The following GKAP1 variants were observed in gnomAD, a reference collection of about 807,000 sequenced individuals.
GKAP1 encodes the protein G kinase-anchoring protein 1.
A neutral mutation model predicts 56.7 loss-of-function variants in GKAP1; 31 were observed. The ratio of observed to expected loss-of-function variants is 0.55; its 90% CI spans 0.41 to 0.74. GKAP1 has a LOEUF of 0.74. GKAP1 is among the 30% of genes least tolerant of loss of function. The probability of loss-of-function intolerance (pLI) is 0.00; values close to 1 mark genes in which losing one functional copy is unlikely to be tolerated. For missense variants in GKAP1, 364 were observed against 402.3 expected, an observed-to-expected ratio of 0.90 and a Z score of 0.82; for synonymous variants, 151 against 138.6, an observed-to-expected ratio of 1.09 and a Z score of -0.63.
intron 7 of GKAP1, among the ~76,000 whole-genome samples, chr9:83,771,983 CCA>C (rs1428489550): frequency 3.3e-5 from 1 of 29,928 alleles, no homozygotes; most frequent in Non-Finnish European, 8.9e-5. Context: ...TTGAGTGAGG[CCA>C]CAAAGTTTCT....
intron 8 of GKAP1, among the ~76,000 whole-genome samples, chr9:83,767,223 G>A (rs1018782862): frequency 6.6e-6 from 1 of 152,194 alleles, no homozygotes; most frequent in African/African-American, 2.4e-5. Flanking sequence ...GGGGTATGAG[G>A]AGAGAAAGCA....
At chr9:83,793,659 C>T (rs973745646) in intron 4 of GKAP1, among the ~76,000 whole-genome samples, 2 of 151,872 alleles carry the variant, frequency 1.3e-5, no homozygotes, top group African/African-American at 4.8e-5. Context: ...AAAATAGAAC[C>T]GTAAATAATG....
intron 8 of GKAP1, among the ~76,000 whole-genome samples, chr9:83,754,506 A>G (rs1178569047): frequency 1.3e-5 from 2 of 152,206 alleles, no homozygotes; most frequent in East Asian, 1.9e-4. Flanking sequence ...AAAGCTCTCT[A>G]AAGTGGTGAC....
At chr9:83,776,823 G>C (rs1287829225) in intron 7 of GKAP1, among the ~76,000 whole-genome samples, 1 of 151,884 alleles carries the variant, frequency 6.6e-6, no homozygotes, top group Non-Finnish European at 1.5e-5. Context: ...CATAATTTTA[G>C]AAATCAACAG....
intron 6 of GKAP1, among the ~76,000 whole-genome samples, chr9:83,783,820 G>C (rs1413100211): frequency 6.6e-6 from 1 of 152,182 alleles, no homozygotes; most frequent in Admixed American, 6.5e-5. Flanking sequence ...TTTTCAGTAA[G>C]TTTTAGGAAA....
intron 10 of GKAP1, among the ~76,000 whole-genome samples, chr9:83,745,224 AG>A (rs955681227): frequency 6.6e-6 from 1 of 151,874 alleles, no homozygotes; most frequent in African/African-American, 2.4e-5. Context: ...TTTTGAGACA[AG>A]GTTTTGTCAT....
intron 8 of GKAP1, among the ~76,000 whole-genome samples, chr9:83,760,482 A>C (rs944497454): frequency 1.3e-5 from 2 of 152,112 alleles, no homozygotes; most frequent in African/African-American, 4.8e-5. Flanking sequence ...TCAACAAAGA[A>C]ACACTGGACT....
At chr9:83,746,724 T>TA (rs140763928) in intron 10 of GKAP1, among the ~76,000 whole-genome samples, 81,512 of 151,778 alleles carry the variant, frequency 0.54, 22,768 homozygotes, top group Admixed American at 0.68. Flanking sequence ...AATAACAATT[T>TA]AAAAAAATCA....
At chr9:83,815,410 C>T (rs1466877790) in intron 2 of GKAP1, among the ~76,000 whole-genome samples, 1 of 151,528 alleles carries the variant, frequency 6.6e-6, no homozygotes, top group Non-Finnish European at 1.5e-5. Context: ...CCAAGCCCGA[C>T]CCAAGCAGAA....
rs767081495 is a variant in GKAP1 at position 83,799,190 on chromosome 9, C to T, written c.355G>A (p.Glu119Lys). ...ENWQEWRQRDEQLTSEMFEAD... is the reference protein window; with the variant it reads ...ENWQEWRQRDKQLTSEMFEAD... ...TTTTATTTACTTAGTTGTACCTGCT[C>T]ATCTCTTTGTCTCCACTCTTGCCAA... is the stretch of plus-strand genomic sequence containing the variant. The change falls in exon 4 of 13, where the codon GAG becomes AAG. Residue 119 changes from glutamate to lysine, a missense_variant. By Grantham distance (56) the Glu-to-Lys change is moderately conservative (BLOSUM62 1). Transcript: ENST00000376371. 24 of 1,613,198 alleles carry T rather than the reference C, an allele frequency of 1.5e-5. No individual in the cohort carries two copies. In the South Asian group the frequency reaches 2.6e-4, roughly 18 times the overall value.
chr9:83,766,003 G>C (rs1008745170), intron 8 of GKAP1, among the ~76,000 whole-genome samples: 3 of 152,166 alleles, frequency 2.0e-5, no homozygotes, highest in Admixed American at 2.0e-4. Context: ...GGGGCAGAAT[G>C]ATATAGTTGG....
At chr9:83,788,780 G>A (rs954002900) in intron 4 of GKAP1, 102 bp from the exon 5 acceptor site, 3 of 627,298 alleles carry the variant, frequency 4.8e-6, no homozygotes, top group Non-Finnish European at 8.1e-6. Context: ...AAGCAAATAT[G>A]TTAAAAAACA....
chr9:83,812,418 G>T (rs1370355782), intron 2 of GKAP1, among the ~76,000 whole-genome samples: 1 of 150,076 alleles, frequency 6.7e-6, no homozygotes. Context: ...TGTGATCACG[G>T]CTCACTGCAG....
intron 7 of GKAP1, among the ~76,000 whole-genome samples, chr9:83,773,320 A>G (rs1382296389): frequency 6.6e-6 from 1 of 152,208 alleles, no homozygotes; most frequent in Non-Finnish European, 1.5e-5. Context: ...AGAAACTGCA[A>G]ATCTCTAGAG....
rs149063096 is a variant in GKAP1, at chr9:83,812,889, C to T, written c.-44+4107G>A. On this transcript the variant is annotated intron_variant, in intron 2 of 12. Coordinates refer to ENST00000376371, the MANE Select transcript of GKAP1 (RefSeq NM_025211.4). The stretch of plus-strand genomic sequence containing the variant: ...CTATCGAAGACTAATATGTTGCATA[C>T]TTTTAAGAGAACACTACCCTCGTTA... Among the ~76,000 whole-genome samples, 17 of 152,156 alleles carry T rather than the reference C, an allele frequency of 1.1e-4. No individual in the cohort carries two copies. In the East Asian group the frequency reaches 2.9e-3, roughly 26 times the overall value.
intron 4 of GKAP1, among the ~76,000 whole-genome samples, chr9:83,791,460 C>T (rs1944159210): frequency 6.6e-6 from 1 of 151,986 alleles, no homozygotes; most frequent in African/African-American, 2.4e-5. Flanking sequence ...TATGGCCCTC[C>T]CAGCAACTGA....
At position 83,779,448 on chromosome 9, in the gene GKAP1, TAC is replaced by T. The variant is rs368970118; in HGVS notation, c.585+932_585+933del. ...AGCCATATATATATATATATATATA[TAC>T]ACACACACACACACGCACATATACA... is the stretch of plus-strand genomic sequence containing the variant. On this transcript the variant is annotated intron_variant, in intron 7 of 12. Transcript: ENST00000376371. Among the ~76,000 whole-genome samples, 101 of 119,614 alleles carry T rather than the reference TAC, an allele frequency of 8.4e-4. 2 individuals are homozygous for T. The highest frequency in any genetic ancestry group is 2.9e-3 in the African/African-American group (93 of 32,408). The allele number at this position is 119,614 out of a possible 152,430, so 78.5% of individuals were successfully genotyped here.
At chr9:83,816,312 C>T (rs1403101972) in intron 2 of GKAP1, among the ~76,000 whole-genome samples, 2 of 152,110 alleles carry the variant, frequency 1.3e-5, no homozygotes, top group Non-Finnish European at 2.9e-5. Context: ...CCATTTTTTT[C>T]TCATAGTTAA....
rs114804341 is a variant in GKAP1 at position 83,755,144 on chromosome 9, G to T, written c.739-1785C>A. Among the ~76,000 whole-genome samples, 935 of 152,168 alleles carry T rather than the reference G, an allele frequency of 6.1e-3. 12 individuals are homozygous for T. The highest frequency in any genetic ancestry group is 0.021 in the African/African-American group (887 of 41,538). On this transcript the variant is annotated intron_variant, in intron 8 of 12. Coordinates refer to ENST00000376371, the MANE Select transcript of GKAP1 (RefSeq NM_025211.4). ...ATTAAGTTCTGGAATCTCACTTCTA[G>T]GAATTTATCTCCAATAGATAAATGA...
Sources: gnomAD v4.1 joint callset for allele counts (sites outside exome capture counted in the v4.1 genomes callset) on GRCh38, gnomAD v4.1.1 for gene constraint, MANE v1.5 for transcripts, NCBI Gene and HGNC (gene_info 2026-07-23, HGNC 2026-07-21) for gene names.